The following ACKR3 variants were observed in gnomAD, a reference collection of about 807,000 sequenced individuals.
ACKR3 encodes atypical chemokine receptor 3, also known as C-X-C chemokine receptor type 7.
ACKR3 carries 6 observed loss-of-function variants against 22.4 expected under a neutral mutation model. That is an observed-to-expected ratio of 0.27 (90% confidence interval 0.15 to 0.53). ACKR3 has a LOEUF of 0.53. ACKR3 is among the 20% of genes least tolerant of loss of function. ACKR3 has a pLI of 0.96. For missense variants in ACKR3, 396 were observed against 475.2 expected (o/e 0.83, Z 1.55); for synonymous variants, 209 against 205.2 (o/e 1.02, Z -0.16).
the ACKR3 span, among the ~76,000 whole-genome samples, chr2:236,559,149 C>G: frequency 1.3e-5 from 2 of 152,196 alleles, no homozygotes; most frequent in Non-Finnish European, 2.9e-5. Flanking sequence ...CCTGGCCTTA[C>G]TCAGAGATCA....
chr2:236,544,210 G>A, the ACKR3 span, among the ~76,000 whole-genome samples: 12 of 151,660 alleles, frequency 7.9e-5, no homozygotes, highest in East Asian at 2.1e-3. The surrounding 1 kb of genome is among the most constrained non-coding windows in gnomAD (Gnocchi z 5.0). Flanking sequence ...GGCTGGTCTC[G>A]AACTCTTGAC....
At chr2:236,556,053 C>G in the ACKR3 span, among the ~76,000 whole-genome samples, 1 of 152,060 alleles carries the variant, frequency 6.6e-6, no homozygotes. Flanking sequence ...CACAGAGGCT[C>G]AGAGTGGGGT....
chr2:236,539,537 T>C, the ACKR3 span, among the ~76,000 whole-genome samples: 25 of 152,098 alleles, frequency 1.6e-4, no homozygotes, highest in South Asian at 1.0e-3. Context: ...GGTCTCGAAC[T>C]CCTAACCTCA....
chr2:236,548,932 G>A, the ACKR3 span, among the ~76,000 whole-genome samples: 1 of 152,170 alleles, frequency 6.6e-6, no homozygotes, highest in Non-Finnish European at 1.5e-5. This position sits in a 1 kb window ranked among gnomAD's most constrained non-coding sequence, Gnocchi z 4.3. Flanking sequence ...CAAGCAACAA[G>A]GGCGCACATA....
the ACKR3 span, among the ~76,000 whole-genome samples, chr2:236,562,324 AC>A: frequency 6.6e-6 from 1 of 152,204 alleles, no homozygotes; most frequent in Non-Finnish European, 1.5e-5. Context: ...AGTATATCGT[AC>A]ATATGTTGGA....
At position 236,580,513 on chromosome 2, in the gene ACKR3, C is replaced by A. The variant is rs770542607; in HGVS notation, c.48C>A (p.Asp16Glu). Residue 16 changes from aspartate to glutamate, a missense_variant, in exon 2 of 2, where the codon GAC (aspartate) becomes GAA (glutamate). Physicochemically the swap from Asp to Glu is conservative, Grantham distance 45. Transcript: ENST00000272928. The part of the protein sequence containing the change: ...FDYSEPGNFS[D>E]ISWPCNSSDC... ...ACTCAGAGCCAGGGAACTTCTCGGA[C>A]ATCAGCTGGCCATGCAACAGCAGCG... 1 of 1,614,222 alleles carries A rather than the reference C, an allele frequency of 6.2e-7. No individual in the cohort carries two copies.
chr2:236,564,018 C>G (rs538992324), upstream of ACKR3, among the ~76,000 whole-genome samples: 55 of 152,268 alleles, frequency 3.6e-4, no homozygotes, highest in African/African-American at 1.3e-3. Flanking sequence ...GAGCCTAAGG[C>G]CCACCGGCCT....
chr2:236,560,316 CT>C, the ACKR3 span, among the ~76,000 whole-genome samples: 6,524 of 118,742 alleles, frequency 0.055, 87 homozygotes, highest in Non-Finnish European at 0.083. Context: ...CACTTGTTGC[CT>C]TTTTTTTTTT....
the ACKR3 span, among the ~76,000 whole-genome samples, chr2:236,555,347 C>A: frequency 6.6e-6 from 1 of 152,210 alleles, no homozygotes; most frequent in Non-Finnish European, 1.5e-5. Context: ...TATCTCCCCT[C>A]AAAAACTTGC....
chr2:236,570,516 C>T (rs965781890), intron 1 of ACKR3, among the ~76,000 whole-genome samples: 1 of 152,170 alleles, frequency 6.6e-6, no homozygotes, highest in South Asian at 2.1e-4. Context: ...AAGCTATAAA[C>T]GTGAATGTTA....
chr2:236,569,280 C>T (rs1441627417), upstream of ACKR3, among the ~76,000 whole-genome samples: 21 of 152,166 alleles, frequency 1.4e-4, no homozygotes, highest in Non-Finnish European at 1.5e-5. Flanking sequence ...ACTCTTTTCT[C>T]CACTTTGGGG....
upstream of ACKR3, among the ~76,000 whole-genome samples, chr2:236,563,118 T>A (rs1691105289): frequency 6.6e-6 from 1 of 152,256 alleles, no homozygotes; most frequent in African/African-American, 2.4e-5. Context: ...GTGAAGTACT[T>A]CCAATTTTCA....
intron 1 of ACKR3, among the ~76,000 whole-genome samples, chr2:236,572,260 G>T (rs1223509513): frequency 6.6e-6 from 1 of 152,180 alleles, no homozygotes; most frequent in African/African-American, 2.4e-5. Flanking sequence ...AAAGTGATCA[G>T]GGAATTGCAT....
In ACKR3 at chr2:236,580,863, T is replaced by G. The variant is rs1351147053; in HGVS notation, c.398T>G (p.Phe133Cys). ...IFSINLFGSI[F>C]FLTCMSVDRY... ...TCCATCAACCTCTTCGGCAGCATTTTCTTCCTCACGTGCATGAGCGTGGAC... is the reference window on the plus strand; with the variant it reads ...TCCATCAACCTCTTCGGCAGCATTTGCTTCCTCACGTGCATGAGCGTGGAC... Residue 133 changes from phenylalanine to cysteine, a missense_variant, in exon 2 of 2, where the codon TTC becomes TGC. Physicochemically the swap from Phe to Cys is radical, Grantham distance 205. Coordinates refer to ENST00000272928, the MANE Select transcript of ACKR3 (RefSeq NM_020311.3). 2 of 1,614,084 alleles carry G rather than the reference T, an allele frequency of 1.2e-6. No individual in the cohort carries two copies. Among genetic ancestry groups the G allele is most frequent in the African/African-American group, 2.7e-5 (2 of 74,916 alleles).
At chr2:236,562,906 C>T (rs367590539), upstream of ACKR3, among the ~76,000 whole-genome samples, 13 of 152,210 alleles carry the variant, frequency 8.5e-5, no homozygotes, top group East Asian at 1.4e-3. Context: ...CACCATGTAG[C>T]GCTGGAGAAG....
At chr2:236,560,335 T>G in the ACKR3 span, among the ~76,000 whole-genome samples, 3 of 145,474 alleles carry the variant, frequency 2.1e-5, no homozygotes, top group East Asian at 1.9e-4. Context: ...TTTTTTTTTT[T>G]GTAAAGGCCA....
At chr2:236,580,403 C>G in intron 1 of ACKR3, 37 bp from the exon 2 acceptor site, 1 of 1,551,452 alleles carries the variant, frequency 6.4e-7, no homozygotes, top group Non-Finnish European at 8.7e-7. Context: ...AGTGACTTTC[C>G]TCTTCCATCT....
At chr2:236,580,376 T>A (rs958804278) in intron 1 of ACKR3, 64 bp from the exon 2 acceptor site, 20 of 1,520,184 alleles carry the variant, frequency 1.3e-5, no homozygotes, top group Non-Finnish European at 1.8e-5. Flanking sequence ...GCCTGAAACT[T>A]GAGTTTTTCC....
In ACKR3 at chr2:236,577,311, G is replaced by A. The variant is rs1234079603; in HGVS notation, c.-26-3129G>A. On this transcript the variant is annotated intron_variant, in intron 1 of 1. Transcript: ENST00000272928. The surrounding 1 kb of genome is among the most constrained non-coding windows in gnomAD (Gnocchi z 5.6). The stretch of plus-strand genomic sequence containing the variant: ...ACAGAGGCGAGGACGGCTGAGCGGG[G>A]AAGTGCCTATCTCAGAAATACTGTT... Among the ~76,000 whole-genome samples the A allele has an allele frequency of 6.6e-6, 1 of 152,194 alleles. No homozygotes were observed. The highest frequency in any genetic ancestry group is 1.5e-5 in the Non-Finnish European group (1 of 68,038).
Sources: gnomAD v4.1 joint callset for allele counts (sites outside exome capture counted in the v4.1 genomes callset) on GRCh38, gnomAD v4.1.1 for gene constraint, Gnocchi (gnomAD v3.1) non-coding constraint, MANE v1.5 for transcripts, NCBI Gene and HGNC (gene_info 2026-07-23, HGNC 2026-07-21) for gene names.